Variants in SGCZ observed in about 807,000 individuals in gnomAD.
SGCZ encodes zeta-sarcoglycan.
In SGCZ, 40 loss-of-function variants were observed where a neutral mutation model predicts 41.3. That is an observed-to-expected ratio of 0.97 (90% CI 0.75 to 1.26). The LOEUF (loss-of-function observed/expected upper bound fraction) is 1.26, where lower values mean the gene tolerates loss of function less well. Among genes scored for constraint, SGCZ ranks in the 50% most tolerant of loss-of-function variants. The pLI, the probability that SGCZ is intolerant of heterozygous loss-of-function variation, is 0.00. For missense variants in SGCZ, 552 were observed against 369.8 expected (o/e 1.49, Z -4.04); for synonymous variants, 206 against 137.5 (o/e 1.50, Z -3.49).
At position 14,087,958 on chromosome 8, in the gene SGCZ, A is replaced by G. The variant is rs1801573023; in HGVS notation, c.*2485T>C. On this transcript the variant is annotated 3_prime_UTR_variant, in exon 8 of 8. Transcript: ENST00000382080. Reference sequence around the variant, plus strand: ...TGTTATATCATCTGGATACAGTCTAAAGCTCTCAAGCTTGTAAGTTACTTT... The same window carrying G: ...TGTTATATCATCTGGATACAGTCTAGAGCTCTCAAGCTTGTAAGTTACTTT... Among the ~76,000 whole-genome samples the G allele has an allele frequency of 2.0e-5, 3 of 150,768 alleles. 1 individual carries two copies. The highest frequency in any genetic ancestry group is 2.1e-4 in the South Asian group (1 of 4,828).
At position 14,964,355 on chromosome 8, in the gene SGCZ, C is replaced by A. The variant is rs144175679; in HGVS notation, c.39+273230G>T. ...TGACTATTCCTCATGTCTTATTTCTCACTGAAATGCCTTGATATAAAGAAG... is the reference window on the plus strand; with the variant it reads ...TGACTATTCCTCATGTCTTATTTCTAACTGAAATGCCTTGATATAAAGAAG... On this transcript the variant is annotated intron_variant, in intron 1 of 7. Coordinates refer to ENST00000382080, the MANE Select transcript of SGCZ (RefSeq NM_139167.4). 7.7e-3 allele frequency among the ~76,000 whole-genome samples: 1,176 copies of A among 152,290 alleles called. 18 individuals carry two copies. Among genetic ancestry groups the A allele is most frequent in the African/African-American group, 0.027 (1,137 of 41,558 alleles).
chr8:14,847,182 A>AGAAGAAGAAGAAGAAGAAGAAGAG (rs1413121920), intron 1 of SGCZ, among the ~76,000 whole-genome samples: 3 of 147,200 alleles, frequency 2.0e-5, no homozygotes, highest in Non-Finnish European at 4.5e-5. Flanking sequence ...AAGAAGAAGA[A>AGAAGAAGAAGAAGAAGAAGAAGAG]GAAGAGAAAA....
At chr8:14,127,732 A>C (rs973753838) in intron 5 of SGCZ, among the ~76,000 whole-genome samples, 1 of 152,200 alleles carries the variant, frequency 6.6e-6, no homozygotes, top group African/African-American at 2.4e-5. Context: ...CTGGGATTAC[A>C]TGCATGAGCC....
intron 5 of SGCZ, among the ~76,000 whole-genome samples, chr8:14,159,665 C>G (rs1421756638): frequency 1.3e-5 from 2 of 152,132 alleles, no homozygotes; most frequent in Admixed American, 6.5e-5. Flanking sequence ...TTTCTCAGCA[C>G]CTAATCTAAT....
chr8:14,113,904 T>C (rs1406866824), intron 5 of SGCZ, among the ~76,000 whole-genome samples: 1 of 152,004 alleles, frequency 6.6e-6, no homozygotes, highest in African/African-American at 2.4e-5. Context: ...ATATGCAACC[T>C]CTTTCTCCTC....
chr8:14,651,148 C>T (rs1807383946), intron 1 of SGCZ, among the ~76,000 whole-genome samples: 3 of 151,894 alleles, frequency 2.0e-5, no homozygotes, highest in Admixed American at 6.6e-5. Context: ...TAATTGATAT[C>T]ATCTTGCCAA....
chr8:15,236,777 C>T (rs1802139039), intron 1 of SGCZ, among the ~76,000 whole-genome samples: 3 of 152,206 alleles, frequency 2.0e-5, no homozygotes, highest in Admixed American at 6.5e-5. Context: ...CACGGCCAAG[C>T]AGGGGACCCC....
intron 1 of SGCZ, among the ~76,000 whole-genome samples, chr8:14,753,208 G>A (rs557962795): frequency 1.1e-4 from 16 of 152,050 alleles, no homozygotes; most frequent in Admixed American, 2.6e-4. Flanking sequence ...TCTGTCTTAC[G>A]GAGCTAAATT....
chr8:14,629,783 T>A (rs752353192), intron 1 of SGCZ, among the ~76,000 whole-genome samples: 6 of 152,106 alleles, frequency 3.9e-5, no homozygotes, highest in African/African-American at 9.7e-5. Flanking sequence ...TGGAAAATCA[T>A]GTTAACTATT....
intron 2 of SGCZ, among the ~76,000 whole-genome samples, chr8:14,399,953 A>G (rs947959421): frequency 2.0e-5 from 3 of 152,076 alleles, no homozygotes; most frequent in Non-Finnish European, 2.9e-5. Context: ...CAACCTGGTT[A>G]CTACTCACAG....
chr8:14,428,092 G>A (rs1460645801), intron 2 of SGCZ, among the ~76,000 whole-genome samples: 3 of 143,030 alleles, frequency 2.1e-5, no homozygotes, highest in East Asian at 4.2e-4. Flanking sequence ...ACTGAAGAAT[G>A]GTTGTATATA....
chr8:14,114,567 C>G (rs1212249179), intron 5 of SGCZ, among the ~76,000 whole-genome samples: 2 of 151,824 alleles, frequency 1.3e-5, no homozygotes, highest in Non-Finnish European at 2.9e-5. Flanking sequence ...ATTTGAAAGC[C>G]TTTACTCTTG....
intron 1 of SGCZ, among the ~76,000 whole-genome samples, chr8:15,116,582 C>T (rs1807277626): frequency 6.6e-6 from 1 of 152,138 alleles, no homozygotes; most frequent in South Asian, 2.1e-4. Context: ...CTCAGTGATA[C>T]TGGCAGGACA....
intron 1 of SGCZ, among the ~76,000 whole-genome samples, chr8:14,880,138 G>A (rs1804532510): frequency 6.6e-6 from 1 of 152,064 alleles, no homozygotes; most frequent in East Asian, 1.9e-4. Context: ...ACTGCACCTG[G>A]CCCAAAAAAT....
intron 1 of SGCZ, among the ~76,000 whole-genome samples, chr8:14,756,407 A>C (rs1209704506): frequency 6.6e-6 from 1 of 151,684 alleles, no homozygotes; most frequent in Non-Finnish European, 1.5e-5. Flanking sequence ...CTGGTCTCAA[A>C]CTCCCGACCT....
intron 1 of SGCZ, among the ~76,000 whole-genome samples, chr8:14,817,950 T>C (rs538727050): frequency 2.1e-4 from 32 of 152,324 alleles, no homozygotes; most frequent in Non-Finnish European, 4.1e-4. Flanking sequence ...TCCACTTTAA[T>C]ATATTGCCAA....
intron 2 of SGCZ, among the ~76,000 whole-genome samples, chr8:14,342,446 G>A (rs1028416234): frequency 6.6e-6 from 1 of 152,056 alleles, no homozygotes; most frequent in African/African-American, 2.4e-5. Flanking sequence ...CCTCCCAGTA[G>A]CTGGGACTAC....
chr8:14,340,930 C>T (rs1392535522), intron 2 of SGCZ, among the ~76,000 whole-genome samples: 1 of 152,070 alleles, frequency 6.6e-6, no homozygotes, highest in Admixed American at 6.6e-5. Context: ...ACCCATTAAA[C>T]AACAACTCCT....
Position 14,970,603 on chromosome 8 carries a change from G to A in SGCZ, c.39+266982C>T, listed in dbSNP as rs551386238. ...TACCTTTGTATTTCTGCTGAAAATC[G>A]GTTGTTCACATATGTGTGCACCTAT... On this transcript the variant is annotated intron_variant, in intron 1 of 7. Transcript: ENST00000382080. 1.6e-3 allele frequency among the ~76,000 whole-genome samples: 242 copies of A among 152,036 alleles called. 4 individuals carry two copies. The highest frequency in any genetic ancestry group is 3.4e-3 in the Admixed American group (52 of 15,256).
Sources: gnomAD v4.1 joint callset for allele counts (sites outside exome capture counted in the v4.1 genomes callset) on GRCh38, gnomAD v4.1.1 for gene constraint, MANE v1.5 for transcripts, NCBI Gene and HGNC (gene_info 2026-07-23, HGNC 2026-07-21) for gene names.